Variants in PHKG2 observed in about 807,000 individuals in gnomAD.
The protein encoded by PHKG2 is phosphorylase b kinase gamma catalytic chain, liver/testis isoform.
PHKG2 carries 28 observed loss-of-function variants against 44.5 expected under a neutral mutation model. The ratio of observed to expected loss-of-function variants is 0.63; its 90% CI spans 0.47 to 0.86. PHKG2 has a LOEUF of 0.86. Ranked by LOEUF, PHKG2 falls within the 40% of genes least tolerant of loss-of-function variation. The probability of loss-of-function intolerance (pLI) is 0.00; values close to 1 mark genes in which losing one functional copy is unlikely to be tolerated. For synonymous variants in PHKG2, 220 were observed against 211.2 expected, an observed-to-expected ratio of 1.04 and a Z score of -0.36; for missense variants, 498 against 547.5, an observed-to-expected ratio of 0.91 and a Z score of 0.90.
At position 30,757,503 on chromosome 16, in the gene PHKG2, C is replaced by T. The variant is rs771223442; in HGVS notation, c.*406C>T. ...ACTTGGTCTTGCTCTTGCCTTTACC[C>T]GGAGGTAGCTGGAAGGGCCGCTCTA... On this transcript the variant is annotated 3_prime_UTR_variant, in exon 10 of 10. Coordinates refer to ENST00000563588, the MANE Select transcript of PHKG2 (RefSeq NM_000294.3). 59 of 1,613,942 alleles carry T rather than the reference C, an allele frequency of 3.7e-5. No homozygotes were observed. Among genetic ancestry groups the T allele is most frequent in the South Asian group, 6.6e-5 (6 of 91,060 alleles).
Position 30,748,840 on chromosome 16 carries a change from C to A in PHKG2, c.20C>A (p.Pro7Gln). The A allele has an allele frequency of 6.4e-7, 1 of 1,552,630 alleles. No homozygotes were observed. Among genetic ancestry groups the A allele is most frequent in the Non-Finnish European group, 8.7e-7 (1 of 1,147,572 alleles). MTLDVG[P>Q]EDELPDWAAA... ...TTCAGGATGACGCTGGACGTGGGGC[C>A]GGAGGATGAGCTGCCCGACTGGGCC... Residue 7 changes from proline (P) to glutamine (Q), a missense_variant, in exon 2 of 10, where the codon CCG (proline) becomes CAG (glutamine). By Grantham distance (76) the Pro-to-Gln change is moderately conservative. Transcript: ENST00000563588.
Position 30,753,504 on chromosome 16 carries a change from G to C in PHKG2, c.503G>C (p.Arg168Pro). The C allele has an allele frequency of 1.2e-6, 2 of 1,614,096 alleles. No individual in the cohort carries two copies. The highest frequency in any genetic ancestry group is 1.7e-6 in the Non-Finnish European group (2 of 1,180,030). Residue 168 changes from arginine (R) to proline (P), a missense_variant, in exon 6 of 10, where the codon CGA becomes CCA. By Grantham distance (103) the Arg-to-Pro change is moderately radical. Coordinates refer to ENST00000563588, the MANE Select transcript of PHKG2 (RefSeq NM_000294.3). ...NILLDDNMQI[R>P]LSDFGFSCHL... ...CTCCTAGATGACAATATGCAGATCCGACTTTCAGATTTCGGGTTCTCCTGC... is the reference window on the plus strand; with the variant it reads ...CTCCTAGATGACAATATGCAGATCCCACTTTCAGATTTCGGGTTCTCCTGC...
intron 2 of PHKG2, among the ~76,000 whole-genome samples, chr16:30,750,095 T>A (rs2053324906): frequency 6.6e-6 from 1 of 152,064 alleles, no homozygotes; most frequent in Non-Finnish European, 1.5e-5. Flanking sequence ...ATGCCCTTAG[T>A]GGTTGCGCAG....
chr16:30,750,987 C>G, intron 2 of PHKG2, 119 bp from the exon 3 acceptor site: 2 of 1,062,186 alleles, frequency 1.9e-6, no homozygotes, highest in African/African-American at 1.6e-5. Context: ...GCTTGTTGCC[C>G]TGTGATCCAG....
rs754732907 is a variant in PHKG2 at position 30,756,983 on chromosome 16, C to T, written c.1107C>T (p.Asn369=). The T allele has an allele frequency of 1.2e-6, 2 of 1,612,374 alleles. No homozygotes were observed. Among genetic ancestry groups the T allele is most frequent in the Non-Finnish European group, 1.7e-6 (2 of 1,180,012 alleles). ...GHWVKKGEQQ[N]RAALFQHRPP... ...GGGTAAAGAAAGGGGAGCAGCAGAA[C>T]CGGGCGGCTCTCTTTCAGCACCGGC... The change falls in exon 10 of 10, where the codon AAC becomes AAT. Residue 369 remains asparagine (N), a synonymous_variant. Transcript: ENST00000563588.
At chr16:30,753,844 T>A (rs531831413) in intron 6 of PHKG2, among the ~76,000 whole-genome samples, 4 of 151,940 alleles carry the variant, frequency 2.6e-5, no homozygotes, top group Non-Finnish European at 5.9e-5. Flanking sequence ...CTGAGCCCCA[T>A]AGAGGAGGTA....
At position 30,749,063 on chromosome 16, in the gene PHKG2, G is replaced by GCT. The variant is rs1262935346; in HGVS notation, c.95+148_95+149insCT. 8 of 481,548 alleles carry GCT rather than the reference G, an allele frequency of 1.7e-5. 1 individual carries two copies. Among genetic ancestry groups the GCT allele is most frequent in the Admixed American group, 9.1e-5 (3 of 32,996 alleles). 29.8% of individuals were successfully genotyped at this position (481,548 alleles called of 1,614,324 possible). On this transcript the variant is annotated intron_variant, in intron 2 of 9. Coordinates refer to ENST00000563588, the MANE Select transcript of PHKG2 (RefSeq NM_000294.3). ...TGGTGGTGGTGGTGGTGGTGGTGGT[G>GCT]GTGGTGGTGGTGGTGGTGGTGGTGG...
chr16:30,754,742 C>A (rs924619400), intron 6 of PHKG2: 17 of 399,092 alleles, frequency 4.3e-5, no homozygotes, highest in Admixed American at 3.6e-4. Context: ...CCCACTGCAT[C>A]CTCTCCTTGG....
At position 30,758,182 on chromosome 16, in the gene PHKG2, C is replaced by T. The variant is rs1328134908; in HGVS notation, c.*1085C>T. The T allele has an allele frequency of 1.3e-5, 2 of 151,900 alleles. No homozygotes were observed. Among genetic ancestry groups the T allele is most frequent in the South Asian group, 2.0e-4 (1 of 4,884 alleles). 9.4% of individuals were successfully genotyped at this position (151,900 alleles called of 1,614,324 possible). A position where few individuals can be genotyped will look rare whatever the true frequency, so the allele number is the denominator to read the frequency against. ...CTGCCTCCCAGGTTCATGCCATTCTCCTGCCTCAGCCTCCCAGTAGCTGGG... is the reference window on the plus strand; with the variant it reads ...CTGCCTCCCAGGTTCATGCCATTCTTCTGCCTCAGCCTCCCAGTAGCTGGG... On this transcript the variant is annotated 3_prime_UTR_variant, in exon 10 of 10. Coordinates refer to ENST00000563588, the MANE Select transcript of PHKG2 (RefSeq NM_000294.3).
Position 30,751,237 on chromosome 16 carries a change from G to C in PHKG2, c.227G>C (p.Arg76Pro). 6.2e-7 allele frequency: 1 copy of C among 1,612,884 alleles called. No homozygotes were observed. Among genetic ancestry groups the C allele is most frequent in the South Asian group, 1.1e-5 (1 of 91,082 alleles). ...QLEEVREATR[R>P]ETHILRQVAG... ...GAGGAGGTGCGGGAAGCCACACGGC[G>C]AGAGACACACATCCTTCGCCAGGTC... is the stretch of plus-strand genomic sequence containing the variant. Residue 76 changes from arginine (R) to proline (P), a missense_variant, in exon 3 of 10, where the codon CGA (arginine) becomes CCA (proline). Coordinates refer to ENST00000563588, the MANE Select transcript of PHKG2 (RefSeq NM_000294.3).
Position 30,757,815 on chromosome 16 carries a change from G to C in PHKG2, c.*718G>C, listed in dbSNP as rs959308474. On this transcript the variant is annotated 3_prime_UTR_variant, in exon 10 of 10. Coordinates refer to ENST00000563588, the MANE Select transcript of PHKG2 (RefSeq NM_000294.3). The stretch of plus-strand genomic sequence containing the variant: ...GAAATGTTAGCAAGCCCTTGTGTGA[G>C]AGGTAGTTGGGTAGGGTGGCTATGC... The C allele has an allele frequency of 1.7e-5, 24 of 1,416,604 alleles. No individual in the cohort carries two copies. Among genetic ancestry groups the C allele is most frequent in the Non-Finnish European group, 2.0e-5 (22 of 1,089,848 alleles). 87.8% of individuals were successfully genotyped at this position (1,416,604 alleles called of 1,614,324 possible).
chr16:30,748,629 C>T (rs2151304935), intron 1 of PHKG2, 139 bp downstream of exon 1: 2 of 558,018 alleles, frequency 3.6e-6, no homozygotes, highest in Admixed American at 6.1e-5. Context: ...TGCCATCCTC[C>T]CGCCCCCAGG....
chr16:30,751,599 G>C lies in PHKG2; in HGVS notation c.322G>C (p.Asp108His). The C allele has an allele frequency of 6.2e-7, 1 of 1,612,984 alleles. No homozygotes were observed. The highest frequency in any genetic ancestry group is 8.5e-7 in the Non-Finnish European group (1 of 1,178,984). ...ESSSFMFLVF[D>H]LMRKGELFDY... ...TTCTAGCTTCATGTTCCTGGTGTTT[G>C]ACCTGTGAGTATCTCCCTGCCACCA... is the stretch of plus-strand genomic sequence containing the variant. Residue 108 changes from aspartate to histidine, a missense_variant, in exon 4 of 10, where the codon GAC becomes CAC. Coordinates refer to ENST00000563588, the MANE Select transcript of PHKG2 (RefSeq NM_000294.3).
intron 3 of PHKG2, 114 bp from the exon 4 acceptor site, chr16:30,751,435 G>A (rs1302957030): frequency 3.1e-6 from 4 of 1,282,608 alleles, no homozygotes; most frequent in African/African-American, 2.9e-5. Flanking sequence ...GCCTCCTCTG[G>A]TTCTCCTTTC....
At chr16:30,750,994 C>A in intron 2 of PHKG2, 112 bp from the exon 3 acceptor site, 2 of 1,128,976 alleles carry the variant, frequency 1.8e-6, no homozygotes, top group Non-Finnish European at 1.3e-6. Flanking sequence ...GCCCTGTGAT[C>A]CAGATGGGTC....
chr16:30,756,922 T>G lies in PHKG2; in HGVS notation c.1046T>G (p.Leu349Arg). ...DPYALRSVRH[L>R]IDNCAFRLYG... ...TATGCGCTGCGGTCAGTGCGGCACC[T>G]CATCGACAACTGTGCCTTCCGGCTC... The change falls in exon 10 of 10, where the codon CTC (leucine) becomes CGC (arginine). Residue 349 changes from leucine to arginine, a missense_variant. Coordinates refer to ENST00000563588, the MANE Select transcript of PHKG2 (RefSeq NM_000294.3). 1 of 1,613,952 alleles carries G rather than the reference T, an allele frequency of 6.2e-7. No homozygotes were observed. Among genetic ancestry groups the G allele is most frequent in the Middle Eastern group, 1.6e-4 (1 of 6,062 alleles).
At position 30,757,909 on chromosome 16, in the gene PHKG2, T is replaced by A. The variant is rs2053487170; in HGVS notation, c.*812T>A. 1 of 946,992 alleles carries A rather than the reference T, an allele frequency of 1.1e-6. No homozygotes were observed. The allele number at this position is 946,992 out of a possible 1,614,324, so 58.7% of individuals were successfully genotyped here. ...GTGACCTTAGGCAGGTTATTTAACC[T>A]ATCTGTGCCTCAGTTTCCTTGTATG... is the stretch of plus-strand genomic sequence containing the variant. On this transcript the variant is annotated 3_prime_UTR_variant, in exon 10 of 10. Coordinates refer to ENST00000563588, the MANE Select transcript of PHKG2 (RefSeq NM_000294.3).
intron 7 of PHKG2, 29 bp downstream of exon 7, chr16:30,756,301 G>A (rs778463125): frequency 1.2e-5 from 19 of 1,613,886 alleles, no homozygotes; most frequent in East Asian, 4.5e-5. Context: ...CCTCCCTCCC[G>A]TGCTTGCTGT....
In PHKG2 at chr16:30,751,096, G is replaced by T. The variant is rs74015042; in HGVS notation, c.96-10G>T. ...AGGCCCTGACTTGTGCTATTTTCCG[G>T]CTCTTGCAGAGGAGTGAGCTCTGTG... On this transcript the variant is annotated splice_polypyrimidine_tract_variant and intron_variant, in intron 2 of 9. Coordinates refer to ENST00000563588, the MANE Select transcript of PHKG2 (RefSeq NM_000294.3). 5.6e-4 allele frequency: 910 copies of T among 1,613,000 alleles called. 3 individuals are homozygous for T. In the African/African-American group the frequency reaches 0.011, roughly 19 times the overall value.
Sources: allele counts gnomAD v4.1 joint callset (sites outside exome capture counted in the v4.1 genomes callset), GRCh38; gene constraint gnomAD v4.1.1; transcripts MANE v1.5; gene names NCBI Gene and HGNC (gene_info 2026-07-23, HGNC 2026-07-21).